The following NRG2 variants were observed in gnomAD, a reference collection of about 807,000 sequenced individuals.
NRG2 encodes pro-neuregulin-2, membrane-bound isoform.
A neutral mutation model predicts 73.9 loss-of-function variants in NRG2; 27 were observed. The ratio of observed to expected loss-of-function variants is 0.37; its 90% CI spans 0.27 to 0.50. The LOEUF is 0.50. Ranked by LOEUF, NRG2 falls within the 20% of genes least tolerant of loss-of-function variation. The pLI is 0.96. For synonymous variants in NRG2, 532 were observed against 541.0 expected (o/e 0.98, Z 0.23); for missense variants, 1,126 against 1,210.1 (o/e 0.93, Z 1.03).
chr5:139,892,091 T>C (rs1338873884), intron 1 of NRG2, among the ~76,000 whole-genome samples: 1 of 152,138 alleles, frequency 6.6e-6, no homozygotes, highest in East Asian at 1.9e-4. Flanking sequence ...TTGCAGTGAT[T>C]TGAAAGTTGA....
rs535866798 is a variant in NRG2, at chr5:139,995,357, T to C, written c.700+47013A>G. ...TTTTCTTCCTGGCACTCTAATTAGA[T>C]AGACAGTGGGCAGCAGTGATTTCCT... On this transcript the variant is annotated intron_variant, in intron 1 of 9. Coordinates refer to ENST00000361474, the MANE Select transcript of NRG2 (RefSeq NM_004883.3). Among the ~76,000 whole-genome samples the C allele has an allele frequency of 5.3e-5, 8 of 152,102 alleles. No individual in the cohort carries two copies. In the East Asian group the frequency reaches 1.5e-3, roughly 29 times the overall value.
chr5:139,949,002 T>G (rs916030585), intron 1 of NRG2, among the ~76,000 whole-genome samples: 18 of 152,134 alleles, frequency 1.2e-4, no homozygotes, highest in African/African-American at 4.3e-4. Flanking sequence ...CTGAGGCTTC[T>G]AGGATTCTCA....
intron 3 of NRG2, among the ~76,000 whole-genome samples, chr5:139,880,114 G>A (rs547367898): frequency 6.6e-6 from 1 of 152,178 alleles, no homozygotes; most frequent in Non-Finnish European, 1.5e-5. Flanking sequence ...GTGTGTGTTG[G>A]GGGGAGGAGA....
chr5:139,984,641 G>C (rs968347082), intron 1 of NRG2, among the ~76,000 whole-genome samples: 3 of 152,112 alleles, frequency 2.0e-5, no homozygotes, highest in African/African-American at 7.2e-5. Flanking sequence ...TTTAAAATAA[G>C]AAAACATAAC....
At position 139,982,394 on chromosome 5, in the gene NRG2, G is replaced by A. The variant is rs185138057; in HGVS notation, c.700+59976C>T. Among the ~76,000 whole-genome samples the A allele has an allele frequency of 8.9e-3, 1,350 of 152,122 alleles. 24 individuals are homozygous for A. The highest frequency in any genetic ancestry group is 0.012 in the Non-Finnish European group (790 of 67,988). On this transcript the variant is annotated intron_variant, in intron 1 of 9. Transcript: ENST00000361474. ...ACGGTGGATCCAAACCGCCAGGACTGTGTCCTGGCCCCCGTTCTCTGGGAA... is the reference window on the plus strand; with the variant it reads ...ACGGTGGATCCAAACCGCCAGGACTATGTCCTGGCCCCCGTTCTCTGGGAA...
At chr5:139,941,200 A>AG (rs1468929962) in intron 1 of NRG2, among the ~76,000 whole-genome samples, 1 of 152,214 alleles carries the variant, frequency 6.6e-6, no homozygotes, top group Non-Finnish European at 1.5e-5. Flanking sequence ...GTTAAGAGCC[A>AG]GGTATTAAAG....
At position 139,855,981 on chromosome 5, in the gene NRG2, C is replaced by T. The variant is rs12657404; in HGVS notation, c.1190-203G>A. On this transcript the variant is annotated intron_variant, in intron 5 of 9. Transcript: ENST00000361474. ...TCCACTTCCCTGCAGCTCCCACCCACCCATGGATCTGGTCACACACAACTC... is the reference window on the plus strand; with the variant it reads ...TCCACTTCCCTGCAGCTCCCACCCATCCATGGATCTGGTCACACACAACTC... Among the ~76,000 whole-genome samples the T allele has an allele frequency of 1.6e-4, 25 of 152,342 alleles. 1 individual carries two copies. In the East Asian group the frequency reaches 4.2e-3, roughly 26 times the overall value.
Position 139,867,793 on chromosome 5 carries a change from T to TATGA in NRG2, c.1113-2169_1113-2168insTCAT, listed in dbSNP as rs1466609320. ...GTGTGTGTGTGTGTGTGTGTGTGTG[T>TATGA]GTGTATGAGTGTGTGTGTGTGTGTG... On this transcript the variant is annotated intron_variant, in intron 4 of 9. Transcript: ENST00000361474. Among the ~76,000 whole-genome samples, 579 of 132,296 alleles carry TATGA rather than the reference T, an allele frequency of 4.4e-3. 1 individual carries two copies. The highest frequency in any genetic ancestry group is 0.014 in the South Asian group (59 of 4,158). 86.8% of individuals were successfully genotyped at this position (132,296 alleles called of 152,430 possible). A position where few individuals can be genotyped will look rare whatever the true frequency, so the allele number is the denominator to read the frequency against.
chr5:139,888,644 C>T (rs1016006197), intron 1 of NRG2, among the ~76,000 whole-genome samples: 1 of 152,054 alleles, frequency 6.6e-6, no homozygotes, highest in East Asian at 1.9e-4. Context: ...AACAGGGGTC[C>T]CCTCATTGAA....
intron 1 of NRG2, among the ~76,000 whole-genome samples, chr5:139,948,790 G>A (rs894295475): frequency 1.3e-5 from 2 of 152,174 alleles, no homozygotes; most frequent in Non-Finnish European, 2.9e-5. Flanking sequence ...GGAGTTCTGG[G>A]TGAGACAAGG....
chr5:139,992,351 ATTC>A (rs1431099411), intron 1 of NRG2, among the ~76,000 whole-genome samples: 2 of 152,228 alleles, frequency 1.3e-5, no homozygotes, highest in Non-Finnish European at 2.9e-5. Flanking sequence ...AACTGACTAA[ATTC>A]TCCTATTACT....
At chr5:139,930,101 T>C (rs1284617850) in intron 1 of NRG2, among the ~76,000 whole-genome samples, 1 of 152,158 alleles carries the variant, frequency 6.6e-6, no homozygotes, top group Non-Finnish European at 1.5e-5. Context: ...GGATTAGTGG[T>C]TTTCCATGGC....
chr5:139,896,377 C>T (rs1764541895), intron 1 of NRG2, among the ~76,000 whole-genome samples: 1 of 152,292 alleles, frequency 6.6e-6, no homozygotes, highest in East Asian at 1.9e-4. Flanking sequence ...CATGTGCTCA[C>T]CATGGGTGCA....
chr5:139,914,884 C>T (rs1751133551), intron 1 of NRG2, among the ~76,000 whole-genome samples: 1 of 152,204 alleles, frequency 6.6e-6, no homozygotes, highest in African/African-American at 2.4e-5. Flanking sequence ...GCACCACTGG[C>T]TCCACTTAGG....
chr5:139,959,762 CT>C (rs1187254763), intron 1 of NRG2, among the ~76,000 whole-genome samples: 1 of 152,186 alleles, frequency 6.6e-6, no homozygotes, highest in Non-Finnish European at 1.5e-5. Context: ...ATCTGCCCAC[CT>C]CAGCCTCCTA....
intron 1 of NRG2, among the ~76,000 whole-genome samples, chr5:140,039,812 A>G (rs902716885): frequency 6.6e-6 from 1 of 152,232 alleles, no homozygotes; most frequent in African/African-American, 2.4e-5. Flanking sequence ...TCAGTTGCTC[A>G]ATGTAACGGC....
intron 5 of NRG2, among the ~76,000 whole-genome samples, chr5:139,861,204 C>T (rs772336720): frequency 6.6e-6 from 1 of 152,202 alleles, no homozygotes; most frequent in Admixed American, 6.5e-5. Context: ...GCGTGCAGGG[C>T]CCCGCTCCTC....
intron 1 of NRG2, among the ~76,000 whole-genome samples, chr5:139,921,711 T>C (rs1751676543): frequency 6.6e-6 from 1 of 152,186 alleles, no homozygotes; most frequent in Non-Finnish European, 1.5e-5. Context: ...TGACTTTCTA[T>C]ACAACACCAA....
intron 1 of NRG2, among the ~76,000 whole-genome samples, chr5:139,987,868 G>A (rs373388430): frequency 1.3e-4 from 19 of 144,424 alleles, no homozygotes; most frequent in African/African-American, 3.6e-4. Flanking sequence ...TCCACCTCCC[G>A]GGTTCACGCC....
Sources: gnomAD v4.1 joint callset for allele counts (sites outside exome capture counted in the v4.1 genomes callset) on GRCh38, gnomAD v4.1.1 for gene constraint, MANE v1.5 for transcripts, NCBI Gene and HGNC (gene_info 2026-07-23, HGNC 2026-07-21) for gene names.